SLC9A9: variants seen among roughly 807,000 people sequenced by gnomAD.
The protein encoded by SLC9A9 is solute carrier family 9 member A9.
Under a neutral mutation model 77.8 loss-of-function variants are expected in SLC9A9, and 62 were observed. The ratio of observed to expected loss-of-function variants is 0.80; its 90% CI spans 0.65 to 0.98. The LOEUF is 0.98. Ranked by LOEUF, SLC9A9 falls within the 50% of genes least tolerant of loss-of-function variation. SLC9A9 has a pLI of 0.00. For missense variants in SLC9A9, 775 were observed against 774.9 expected, an observed-to-expected ratio of 1.00 and a Z score of 0.00; for synonymous variants, 320 against 283.5, an observed-to-expected ratio of 1.13 and a Z score of -1.29.
intron 13 of SLC9A9, among the ~76,000 whole-genome samples, chr3:143,370,567 G>GCGCACACACACACACACA (rs373398536): frequency 4.3e-4 from 62 of 143,416 alleles, no homozygotes; most frequent in African/African-American, 1.3e-3. Flanking sequence ...GCATGTGCGC[G>GCGCACACACACACACACA]CACACACACA....
intron 8 of SLC9A9, among the ~76,000 whole-genome samples, chr3:143,564,523 G>T (rs1401727258): frequency 6.6e-6 from 1 of 152,048 alleles, no homozygotes; most frequent in East Asian, 1.9e-4. Context: ...ATTTATTTTT[G>T]ATCTAGTAAA....
intron 2 of SLC9A9, among the ~76,000 whole-genome samples, chr3:143,818,799 C>G (rs891570167): frequency 1.3e-5 from 2 of 151,930 alleles, no homozygotes; most frequent in Admixed American, 6.6e-5. Flanking sequence ...ACTGGAGGAT[C>G]GGCCAGGCGC....
intron 5 of SLC9A9, among the ~76,000 whole-genome samples, chr3:143,687,777 A>G (rs533848148): frequency 2.6e-5 from 4 of 152,048 alleles, no homozygotes; most frequent in Non-Finnish European, 5.9e-5. Context: ...GAGAAATGCT[A>G]TCTTCTACTT....
chr3:143,562,546 A>T (rs1324087028), intron 8 of SLC9A9, among the ~76,000 whole-genome samples: 4 of 152,022 alleles, frequency 2.6e-5, no homozygotes, highest in African/African-American at 9.7e-5. Context: ...AGAAACAACT[A>T]ATAAACTCTA....
At chr3:143,426,608 A>G (rs2034412857) in intron 12 of SLC9A9, among the ~76,000 whole-genome samples, 1 of 152,220 alleles carries the variant, frequency 6.6e-6, no homozygotes, top group Non-Finnish European at 1.5e-5. Flanking sequence ...TGTTTTTCAA[A>G]TATACCTGCA....
At chr3:143,750,205 C>T (rs1259219109) in intron 4 of SLC9A9, among the ~76,000 whole-genome samples, 1 of 152,100 alleles carries the variant, frequency 6.6e-6, no homozygotes, top group Non-Finnish European at 1.5e-5. Flanking sequence ...ACCAAAAGGG[C>T]CTTACAATTC....
chr3:143,750,550 T>C (rs2006667717), intron 4 of SLC9A9, among the ~76,000 whole-genome samples: 1 of 152,172 alleles, frequency 6.6e-6, no homozygotes, highest in African/African-American at 2.4e-5. Flanking sequence ...CACTGAATAA[T>C]TCAGCTCTCC....
intron 5 of SLC9A9, among the ~76,000 whole-genome samples, chr3:143,673,271 A>C (rs1223788112): frequency 6.6e-6 from 1 of 152,164 alleles, no homozygotes; most frequent in East Asian, 1.9e-4. Context: ...TGGAGAATTC[A>C]TACAGGGAAA....
At chr3:143,355,589 C>A (rs568948982) in intron 14 of SLC9A9, among the ~76,000 whole-genome samples, 1 of 152,280 alleles carries the variant, frequency 6.6e-6, no homozygotes, top group East Asian at 1.9e-4. Context: ...TGATAAAAAC[C>A]AACAGTGGAA....
chr3:143,466,794 T>G (rs1243577528), intron 12 of SLC9A9, among the ~76,000 whole-genome samples: 2 of 152,216 alleles, frequency 1.3e-5, no homozygotes, highest in African/African-American at 2.4e-5. Context: ...GATAGATGAA[T>G]AAATAAATTT....
Position 143,574,190 on chromosome 3 carries a change from T to G in SLC9A9, c.898A>C (p.Thr300Pro), listed in dbSNP as rs973843676. Residue 300 changes from threonine to proline, a missense_variant, in exon 8 of 16, where the codon ACC becomes CCC. Physicochemically the swap from Thr to Pro is conservative, Grantham distance 38. Coordinates refer to ENST00000316549, the MANE Select transcript of SLC9A9 (RefSeq NM_173653.4). ...AACTCACACAGCTTGGTAAATTTGG[T>G]CAAGTGAGGAAGATAAGTTAAGGGA... is the stretch of plus-strand genomic sequence containing the variant. Reference protein sequence around the residue: ...SAYAIITALLTKFTKLCEFPM... With the variant: ...SAYAIITALLPKFTKLCEFPM... 6.2e-7 allele frequency: 1 copy of G among 1,612,574 alleles called. No homozygotes were observed. Among genetic ancestry groups the G allele is most frequent in the Non-Finnish European group, 8.5e-7 (1 of 1,179,024 alleles).
intron 13 of SLC9A9, among the ~76,000 whole-genome samples, chr3:143,366,501 A>G (rs2032905486): frequency 6.6e-6 from 1 of 152,206 alleles, no homozygotes; most frequent in African/African-American, 2.4e-5. Flanking sequence ...TTAATAGACT[A>G]CGTAACTTCA....
At chr3:143,795,209 C>T in intron 3 of SLC9A9, 132 bp from the exon 4 acceptor site, 1 of 609,684 alleles carries the variant, frequency 1.6e-6, no homozygotes, top group Non-Finnish European at 2.9e-6. Flanking sequence ...AGCCTCGTTC[C>T]TGGCCTTATT....
chr3:143,719,030 TTTAATC>T (rs145466795), intron 4 of SLC9A9, among the ~76,000 whole-genome samples: 5,192 of 152,232 alleles, frequency 0.034, 279 homozygotes, highest in African/African-American at 0.12. Context: ...TAAATGGTTG[TTTAATC>T]TTAAACGGAT....
At chr3:143,379,024 A>G (rs2033242116) in intron 13 of SLC9A9, among the ~76,000 whole-genome samples, 1 of 150,774 alleles carries the variant, frequency 6.6e-6, no homozygotes, top group Non-Finnish European at 1.5e-5. Context: ...ACATATTAAT[A>G]TATATAATTT....
At chr3:143,533,246 G>C (rs1327994249) in intron 9 of SLC9A9, among the ~76,000 whole-genome samples, 1 of 152,196 alleles carries the variant, frequency 6.6e-6, no homozygotes, top group Non-Finnish European at 1.5e-5. Flanking sequence ...GCGACCTGGG[G>C]GCCTTGCTCC....
At chr3:143,582,073 AG>A (rs1313935098) in intron 6 of SLC9A9, among the ~76,000 whole-genome samples, 25 of 152,204 alleles carry the variant, frequency 1.6e-4, no homozygotes, top group Non-Finnish European at 5.9e-5. Context: ...GGCTTGCAAA[AG>A]CTCGTTATCT....
chr3:143,615,715 T>A (rs1254424544), intron 6 of SLC9A9, among the ~76,000 whole-genome samples: 3 of 152,142 alleles, frequency 2.0e-5, no homozygotes, highest in Non-Finnish European at 4.4e-5. Flanking sequence ...TAAACAAATT[T>A]ATCATCACTG....
intron 4 of SLC9A9, among the ~76,000 whole-genome samples, chr3:143,788,744 A>G (rs1560079746): frequency 6.6e-6 from 1 of 150,864 alleles, no homozygotes; most frequent in Non-Finnish European, 1.5e-5. Flanking sequence ...TCATACATGC[A>G]TAAGCATGTA....
Sources: allele counts gnomAD v4.1 joint callset (sites outside exome capture counted in the v4.1 genomes callset), GRCh38; gene constraint gnomAD v4.1.1; transcripts MANE v1.5; gene names NCBI Gene and HGNC (gene_info 2026-07-23, HGNC 2026-07-21).